The following CARMIL1 variants were observed in gnomAD, a reference collection of about 807,000 sequenced individuals.
CARMIL1 encodes F-actin-uncapping protein LRRC16A.
Under a neutral mutation model 177.1 loss-of-function variants are expected in CARMIL1, and 90 were observed. That is an observed-to-expected ratio of 0.51 (90% CI 0.43 to 0.61). The LOEUF is 0.61. CARMIL1 is among the 20% of genes least tolerant of loss of function. The pLI is 0.00. For synonymous variants in CARMIL1, 577 were observed against 606.2 expected (o/e 0.95, Z 0.71); for missense variants, 1,380 against 1,667.0 (o/e 0.83, Z 3.00).
At chr6:25,459,233 T>TCTTCCTTTCTTTCTTTCTTCCTTC in intron 8 of CARMIL1, among the ~76,000 whole-genome samples, 1 of 91,318 alleles carries the variant, frequency 1.1e-5, no homozygotes, top group African/African-American at 4.0e-5. Context: ...TTTCTTTCTT[T>TCTTCCTTTCTTTCTTTCTTCCTTC]CTTTCTTTCT....
At chr6:25,485,846 A>G (rs1562202442) in intron 12 of CARMIL1, among the ~76,000 whole-genome samples, 1 of 151,934 alleles carries the variant, frequency 6.6e-6, no homozygotes, top group Non-Finnish European at 1.5e-5. Context: ...AAAGATTCGC[A>G]GTTTTAAAAT....
chr6:25,372,112 G>A (rs553940927), intron 2 of CARMIL1, among the ~76,000 whole-genome samples: 1 of 152,208 alleles, frequency 6.6e-6, no homozygotes, highest in East Asian at 1.9e-4. Flanking sequence ...ATTGGTCTAT[G>A]TATCTACTTT....
intron 36 of CARMIL1, among the ~76,000 whole-genome samples, chr6:25,615,097 T>A (rs1046865258): frequency 1.2e-4 from 18 of 152,410 alleles, no homozygotes; most frequent in South Asian, 6.2e-4. Flanking sequence ...AGCACTTGAC[T>A]GTCTTCACCT....
In CARMIL1 at chr6:25,459,266, C is replaced by CTTTCTT; in HGVS notation, c.615-6604_615-6603insCTTTTT. Among the ~76,000 whole-genome samples the CTTTCTT allele has an allele frequency of 2.2e-3, 161 of 73,728 alleles. 2 individuals carry two copies. Among genetic ancestry groups the CTTTCTT allele is most frequent in the African/African-American group, 6.6e-3 (135 of 20,322 alleles). The allele number at this position is 73,728 out of a possible 152,430, so 48.4% of individuals were successfully genotyped here. ...TCTTTCTTTCTTTCTTTCTTTCTTT[C>CTTTCTT]TTTTTTTTTTTTTTAAGACAGGGTC... On this transcript the variant is annotated intron_variant, in intron 8 of 36. Coordinates refer to ENST00000329474, the MANE Select transcript of CARMIL1 (RefSeq NM_017640.6).
chr6:25,349,123 C>T (rs1787843565), intron 2 of CARMIL1, among the ~76,000 whole-genome samples: 1 of 152,196 alleles, frequency 6.6e-6, no homozygotes, highest in Non-Finnish European at 1.5e-5. Flanking sequence ...TGGAGCGTAT[C>T]CTGGCAGGCA....
chr6:25,378,904 A>T (rs187654058), intron 2 of CARMIL1, among the ~76,000 whole-genome samples: 43 of 146,678 alleles, frequency 2.9e-4, no homozygotes, highest in Admixed American at 7.5e-4. Context: ...AAAAAAAAAC[A>T]GGTGTTATTG....
chr6:25,564,031 T>C (rs1485193736), intron 29 of CARMIL1: 2 of 234,370 alleles, frequency 8.5e-6, no homozygotes, highest in Non-Finnish European at 1.4e-5. Flanking sequence ...TAACATATTA[T>C]ACAAAATGTA....
rs114158888 is a variant in CARMIL1 at position 25,463,320 on chromosome 6, A to G, written c.615-2553A>G. 1.9e-3 allele frequency among the ~76,000 whole-genome samples: 293 copies of G among 152,248 alleles called. 1 individual carries two copies. Among genetic ancestry groups the G allele is most frequent in the African/African-American group, 6.5e-3 (271 of 41,558 alleles). Reference sequence around the variant, plus strand: ...ATTAATCCCAATTATATATTATATCACACAGATGTTCACTTTAGAATGCTG... The same window carrying G: ...ATTAATCCCAATTATATATTATATCGCACAGATGTTCACTTTAGAATGCTG... On this transcript the variant is annotated intron_variant, in intron 8 of 36. Coordinates refer to ENST00000329474, the MANE Select transcript of CARMIL1 (RefSeq NM_017640.6).
intron 2 of CARMIL1, among the ~76,000 whole-genome samples, chr6:25,406,347 C>T (rs571086714): frequency 5.9e-5 from 9 of 152,088 alleles, no homozygotes; most frequent in Non-Finnish European, 1.3e-4. Flanking sequence ...CAACAGAAGG[C>T]CAGTGTGGCT....
At chr6:25,437,757 G>A (rs943918777) in intron 5 of CARMIL1, among the ~76,000 whole-genome samples, 1 of 152,126 alleles carries the variant, frequency 6.6e-6, no homozygotes, top group African/African-American at 2.4e-5. Flanking sequence ...GCTGAGCCGT[G>A]CTCATCTCTT....
In CARMIL1 at chr6:25,459,266, C is replaced by CTTTCTTTT; in HGVS notation, c.615-6604_615-6603insCTTTTTTT. On this transcript the variant is annotated intron_variant, in intron 8 of 36. Coordinates refer to ENST00000329474, the MANE Select transcript of CARMIL1 (RefSeq NM_017640.6). ...TCTTTCTTTCTTTCTTTCTTTCTTTCTTTTTTTTTTTTTTAAGACAGGGTC... is the reference window on the plus strand; with the variant it reads ...TCTTTCTTTCTTTCTTTCTTTCTTTCTTTCTTTTTTTTTTTTTTTTTTAAGACAGGGTC... Among the ~76,000 whole-genome samples, 11 of 73,750 alleles carry CTTTCTTTT rather than the reference C, an allele frequency of 1.5e-4. 1 individual carries two copies. Among genetic ancestry groups the CTTTCTTTT allele is most frequent in the African/African-American group, 5.4e-4 (11 of 20,324 alleles). 48.4% of individuals were successfully genotyped at this position (73,750 alleles called of 152,430 possible). A position where few individuals can be genotyped will look rare whatever the true frequency, so the allele number is the denominator to read the frequency against.
chr6:25,567,402 A>G (rs1209426973), intron 29 of CARMIL1, among the ~76,000 whole-genome samples: 1 of 152,226 alleles, frequency 6.6e-6, no homozygotes, highest in Non-Finnish European at 1.5e-5. Flanking sequence ...GGGGCAAGCA[A>G]TGGCATGGAT....
chr6:25,429,544 C>A (rs1796557475), intron 4 of CARMIL1, among the ~76,000 whole-genome samples: 1 of 152,088 alleles, frequency 6.6e-6, no homozygotes, highest in Non-Finnish European at 1.5e-5. Context: ...TTGTCTTTTT[C>A]CTAGTCTTTG....
chr6:25,429,447 C>T (rs560278800), intron 4 of CARMIL1, among the ~76,000 whole-genome samples: 2 of 152,130 alleles, frequency 1.3e-5, no homozygotes, highest in Non-Finnish European at 2.9e-5. Flanking sequence ...ACTTACTGGC[C>T]TACAAGTAGG....
intron 2 of CARMIL1, among the ~76,000 whole-genome samples, chr6:25,305,994 G>A (rs1464700175): frequency 6.6e-6 from 1 of 151,950 alleles, no homozygotes; most frequent in Non-Finnish European, 1.5e-5. Context: ...ATGTTCAGCG[G>A]CATGAAGTAT....
rs527759857 is a variant in CARMIL1 at position 25,535,535 on chromosome 6, C to T, written c.2068-2320C>T. On this transcript the variant is annotated intron_variant, in intron 24 of 36. Transcript: ENST00000329474. The stretch of plus-strand genomic sequence containing the variant: ...GGAATTGAGCTTCATAAACTATGGC[C>T]GTCAACAACTTTTCTGTATTGCTTT... Among the ~76,000 whole-genome samples the T allele has an allele frequency of 1.4e-4, 22 of 152,130 alleles. 1 individual carries two copies. The highest frequency in any genetic ancestry group is 5.9e-4 in the Admixed American group (9 of 15,280).
At chr6:25,319,764 C>CTTT (rs10625095) in intron 2 of CARMIL1, among the ~76,000 whole-genome samples, 1,770 of 118,624 alleles carry the variant, frequency 0.015, 22 homozygotes, top group Middle Eastern at 0.029. Context: ...CATTTGGTCA[C>CTTT]TTTTTTTTTT....
intron 31 of CARMIL1, 129 bp from the exon 32 acceptor site, chr6:25,594,286 T>A: frequency 3.4e-6 from 2 of 588,434 alleles, no homozygotes; most frequent in Non-Finnish European, 3.0e-6. Context: ...TTCCTGTAGA[T>A]TACGTGGTCC....
At chr6:25,349,660 C>A (rs1006688207) in intron 2 of CARMIL1, among the ~76,000 whole-genome samples, 1 of 151,676 alleles carries the variant, frequency 6.6e-6, no homozygotes, top group Non-Finnish European at 1.5e-5. Flanking sequence ...GGCCCTGAGG[C>A]GGCCCTTCAC....
Sources: allele counts gnomAD v4.1 joint callset (sites outside exome capture counted in the v4.1 genomes callset), GRCh38; gene constraint gnomAD v4.1.1; transcripts MANE v1.5; gene names NCBI Gene and HGNC (gene_info 2026-07-23, HGNC 2026-07-21).